Variants in AFF4 observed in about 807,000 individuals in gnomAD.
AFF4 encodes the protein ALF transcription elongation factor 4.
Under a neutral mutation model 124.8 loss-of-function variants are expected in AFF4, and 13 were observed. The observed-to-expected ratio is 0.10, with a 90% CI of 0.07 to 0.17. AFF4 has a LOEUF of 0.17. Ranked by LOEUF, AFF4 falls within the 10% of genes least tolerant of loss-of-function variation. The pLI is 1.00. For synonymous variants in AFF4, 477 were observed against 496.1 expected, an observed-to-expected ratio of 0.96 and a Z score of 0.51; for missense variants, 1,092 against 1,403.8, an observed-to-expected ratio of 0.78 and a Z score of 3.55.
In AFF4 at chr5:132,927,111, A is replaced by G; in HGVS notation, c.1050+10T>C. ...TCTTACATTATGAAAGATACATTTT[A>G]TTTACTTACCTTAGTTGGAAAAGGA... On this transcript the variant is annotated intron_variant, in intron 5 of 20. Coordinates refer to ENST00000265343, the MANE Select transcript of AFF4 (RefSeq NM_014423.4). 3 of 1,606,270 alleles carry G rather than the reference A, an allele frequency of 1.9e-6. No homozygotes were observed. Among genetic ancestry groups the G allele is most frequent in the Non-Finnish European group, 2.6e-6 (3 of 1,174,906 alleles).
chr5:132,941,735 C>G (rs1761573176), intron 1 of AFF4, among the ~76,000 whole-genome samples: 1 of 151,878 alleles, frequency 6.6e-6, no homozygotes, highest in Admixed American at 6.6e-5. Context: ...TGGCCAGGCG[C>G]GGTGGCTCAC....
intron 1 of AFF4, among the ~76,000 whole-genome samples, chr5:132,941,490 C>T (rs888105538): frequency 5.3e-5 from 8 of 152,090 alleles, no homozygotes; most frequent in Admixed American, 2.0e-4. Context: ...CACACCACCA[C>T]ACCTGGCTAA....
At chr5:132,959,693 A>G (rs1248532804) in intron 1 of AFF4, among the ~76,000 whole-genome samples, 1 of 150,800 alleles carries the variant, frequency 6.6e-6, no homozygotes, top group Non-Finnish European at 1.5e-5. Context: ...CGTGTACTAG[A>G]GTATCACTTC....
chr5:132,924,191 T>C (rs1325835165), intron 5 of AFF4, among the ~76,000 whole-genome samples: 2 of 151,550 alleles, frequency 1.3e-5, no homozygotes, highest in Non-Finnish European at 2.9e-5. Context: ...GAGGCGGAGG[T>C]TGCAGTGAGC....
At chr5:132,908,107 T>C (rs1760710876) in intron 5 of AFF4, among the ~76,000 whole-genome samples, 1 of 151,928 alleles carries the variant, frequency 6.6e-6, no homozygotes. Flanking sequence ...TAAACAAGTT[T>C]GTCTTCCAGC....
intron 5 of AFF4, among the ~76,000 whole-genome samples, chr5:132,914,797 A>C (rs1018859397): frequency 4.6e-5 from 7 of 152,200 alleles, no homozygotes; most frequent in Non-Finnish European, 8.8e-5. Context: ...GAGAAGTGCT[A>C]TCATAATAGA....
chr5:132,886,055 A>T (rs532677878), intron 18 of AFF4, among the ~76,000 whole-genome samples: 3 of 152,242 alleles, frequency 2.0e-5, no homozygotes, highest in African/African-American at 4.8e-5. Context: ...TACAGGCGTG[A>T]GCCACCGAAC....
intron 5 of AFF4, among the ~76,000 whole-genome samples, chr5:132,921,462 C>CTTT (rs759442039): frequency 2.3e-5 from 3 of 129,532 alleles, no homozygotes; most frequent in Non-Finnish European, 1.7e-5. Context: ...CAGTTGTTTT[C>CTTT]TTTTTTTTTT....
chr5:132,952,737 T>C (rs558123536), intron 1 of AFF4, among the ~76,000 whole-genome samples: 1 of 151,348 alleles, frequency 6.6e-6, no homozygotes, highest in South Asian at 2.1e-4. Flanking sequence ...CTGCTAAAAA[T>C]AACAAAAAAA....
In AFF4 at chr5:132,898,210, C is replaced by A; in HGVS notation, c.1389+20G>T. On this transcript the variant is annotated intron_variant, in intron 10 of 20. Transcript: ENST00000265343. ...ACCCTGAGAGGGCCTGTGGAAGGTA[C>A]CCCACCGCCTCTGTCTCACCTCGGG... 6.2e-7 allele frequency: 1 copy of A among 1,613,428 alleles called. No homozygotes were observed. The highest frequency in any genetic ancestry group is 8.5e-7 in the Non-Finnish European group (1 of 1,179,686).
At chr5:132,893,485 A>G (rs1453888961) in intron 11 of AFF4, among the ~76,000 whole-genome samples, 9 of 152,206 alleles carry the variant, frequency 5.9e-5, no homozygotes, top group Non-Finnish European at 2.9e-5. Flanking sequence ...TTGTACAACC[A>G]TTACCACAAT....
intron 5 of AFF4, among the ~76,000 whole-genome samples, chr5:132,917,696 TTTTC>T (rs1760942998): frequency 2.0e-5 from 2 of 98,504 alleles, no homozygotes; most frequent in South Asian, 7.4e-4. Flanking sequence ...TTTCTTTTTC[TTTTC>T]TTTTCTTTTT....
rs147538518 is a variant in AFF4 at position 132,927,813 on chromosome 5, CAGAAG to C, written c.964-611_964-607del. On this transcript the variant is annotated intron_variant, in intron 4 of 20. Coordinates refer to ENST00000265343, the MANE Select transcript of AFF4 (RefSeq NM_014423.4). ...GAAAAATTTTGTCAGGGGAAGAAAT[CAGAAG>C]AGAAATTTCAAAAGCACATGAGGAG... Among the ~76,000 whole-genome samples, 1,407 of 152,162 alleles carry C rather than the reference CAGAAG, an allele frequency of 9.2e-3. 16 individuals carry two copies. The highest frequency in any genetic ancestry group is 0.029 in the African/African-American group (1,201 of 41,530).
intron 1 of AFF4, among the ~76,000 whole-genome samples, chr5:132,962,612 AATTACGAG>A (rs1762103462): frequency 6.6e-6 from 1 of 152,124 alleles, no homozygotes; most frequent in African/African-American, 2.4e-5. Context: ...CACTGACGTC[AATTACGAG>A]ATTAACCCCA....
Position 132,893,066 on chromosome 5 carries a change from T to C in AFF4, c.2360A>G (p.Lys787Arg). 6.2e-7 allele frequency: 1 copy of C among 1,614,180 alleles called. No homozygotes were observed. The highest frequency in any genetic ancestry group is 8.5e-7 in the Non-Finnish European group (1 of 1,180,008). The change falls in exon 12 of 21, where the codon AAG becomes AGG. Residue 787 changes from lysine to arginine, a missense_variant. Lys to Arg is a conservative substitution (Grantham distance 26, BLOSUM62 2). Around this residue, in one of 11 missense-constraint regions of AFF4, gnomAD observed 293 missense variants for 280.2 expected, o/e 1.05. Transcript: ENST00000265343. The part of the protein sequence containing the change: ...SESKKPKTED[K>R]NSAGHKPSSN... ...GGATGGCTTATGGCCTGCTGAATTC[T>C]TGTCCTCCGTTTTGGGTTTCTTGCT...
At chr5:132,941,086 TTTTTTTCTG>T (rs1761558207) in intron 1 of AFF4, among the ~76,000 whole-genome samples, 1 of 152,080 alleles carries the variant, frequency 6.6e-6, no homozygotes, top group African/African-American at 2.4e-5. Context: ...TTATTCTCTA[TTTTTTTCTG>T]ATCTTTTTGT....
chr5:132,921,454 G>A (rs1392886029), intron 5 of AFF4, among the ~76,000 whole-genome samples: 1 of 147,830 alleles, frequency 6.8e-6, no homozygotes, highest in African/African-American at 2.5e-5. Flanking sequence ...TAGTATGACA[G>A]TTGTTTTCTT....
At chr5:132,886,639 C>T (rs1760126616) in intron 17 of AFF4, among the ~76,000 whole-genome samples, 1 of 152,204 alleles carries the variant, frequency 6.6e-6, no homozygotes, top group Non-Finnish European at 1.5e-5. Context: ...TTCCAAAATC[C>T]AAACCTTATC....
In AFF4 at chr5:132,957,193, T is replaced by C. The variant is rs1404564963; in HGVS notation, c.-5+6066A>G. Among the ~76,000 whole-genome samples, 5 of 150,962 alleles carry C rather than the reference T, an allele frequency of 3.3e-5. No homozygotes were observed. In the East Asian group the frequency reaches 9.9e-4, roughly 30 times the overall value. On this transcript the variant is annotated intron_variant, in intron 1 of 20. Coordinates refer to ENST00000265343, the MANE Select transcript of AFF4 (RefSeq NM_014423.4). ...CCATCTTTGCAAAAACCAAAAAATT[T>C]AGCCAGGTATGGTGGCTCGTGCCTG... is the stretch of plus-strand genomic sequence containing the variant.
Sources: allele counts gnomAD v4.1 joint callset (sites outside exome capture counted in the v4.1 genomes callset), GRCh38; gene constraint gnomAD v4.1.1; regional missense constraint gnomAD v4.1.1; transcripts MANE v1.5; gene names NCBI Gene and HGNC (gene_info 2026-07-23, HGNC 2026-07-21).